Variants in NPAS3 observed in about 807,000 individuals in gnomAD.
The protein encoded by NPAS3 is neuronal PAS domain-containing protein 3.
Under a neutral mutation model 73.1 loss-of-function variants are expected in NPAS3, and 14 were observed. That is an observed-to-expected ratio of 0.19 (90% CI 0.13 to 0.30). NPAS3 has a LOEUF of 0.30. Among genes scored for constraint, NPAS3 ranks in the 10% least tolerant of loss-of-function variants. NPAS3 has a pLI of 1.00. For missense variants in NPAS3, 1,096 were observed against 1,250.0 expected (o/e 0.88, Z 1.86); for synonymous variants, 620 against 541.5 (o/e 1.14, Z -2.01).
chr14:33,790,186 T>C (rs1337875055), intron 9 of NPAS3, among the ~76,000 whole-genome samples: 2 of 152,244 alleles, frequency 1.3e-5, no homozygotes, highest in Non-Finnish European at 2.9e-5. Flanking sequence ...AGTATCTATC[T>C]CTTTTCAAGG....
chr14:33,801,333 G>A (rs529961608), downstream of NPAS3: 130 of 812,892 alleles, frequency 1.6e-4, no homozygotes, highest in African/African-American at 2.0e-3. Context: ...GTTGCCTGCC[G>A]TTTTGTCTTC....
chr14:33,616,193 C>T (rs937054269), intron 5 of NPAS3, among the ~76,000 whole-genome samples: 2 of 152,200 alleles, frequency 1.3e-5, no homozygotes, highest in Non-Finnish European at 2.9e-5. Context: ...GTAAGCTGGA[C>T]AACGGGTCTG....
chr14:33,405,772 G>T (rs1485590969), intron 4 of NPAS3, among the ~76,000 whole-genome samples: 2 of 152,030 alleles, frequency 1.3e-5, no homozygotes, highest in Non-Finnish European at 2.9e-5. Flanking sequence ...AAAGCTATTT[G>T]CCCACACCAT....
intron 3 of NPAS3, among the ~76,000 whole-genome samples, chr14:33,323,276 G>A (rs1414500906): frequency 6.6e-6 from 1 of 152,136 alleles, no homozygotes; most frequent in Non-Finnish European, 1.5e-5. Context: ...ACTTTACAGA[G>A]TGTTCAGTAA....
chr14:33,767,361 T>TA (rs1394923690), intron 7 of NPAS3, among the ~76,000 whole-genome samples: 1 of 152,058 alleles, frequency 6.6e-6, no homozygotes, highest in Non-Finnish European at 1.5e-5. Context: ...GCTAAGCCCT[T>TA]ATCTTTCGGC....
At chr14:33,621,597 G>T (rs1031329267) in intron 5 of NPAS3, among the ~76,000 whole-genome samples, 1 of 152,070 alleles carries the variant, frequency 6.6e-6, no homozygotes, top group Non-Finnish European at 1.5e-5. Flanking sequence ...TCCAAAATTG[G>T]CTAATATGGA....
chr14:33,549,066 T>C (rs1172760447), intron 4 of NPAS3, among the ~76,000 whole-genome samples: 2 of 147,408 alleles, frequency 1.4e-5, no homozygotes, highest in South Asian at 2.2e-4. Context: ...TCTCAAAATA[T>C]ATAGAACAAA....
intron 4 of NPAS3, among the ~76,000 whole-genome samples, chr14:33,512,363 ACCCGAGAAAAG>A (rs1227075635): frequency 1.3e-5 from 2 of 151,868 alleles, no homozygotes; most frequent in African/African-American, 4.8e-5. Context: ...TCCATTCAAC[ACCCGAGAAAAG>A]TTTTGTAGGA....
chr14:33,502,494 T>A (rs2052566400), intron 4 of NPAS3, among the ~76,000 whole-genome samples: 1 of 151,932 alleles, frequency 6.6e-6, no homozygotes, highest in Non-Finnish European at 1.5e-5. Flanking sequence ...TAGTCTTAGT[T>A]GTATCTTTGA....
intron 4 of NPAS3, among the ~76,000 whole-genome samples, chr14:33,526,432 G>C (rs754975403): frequency 6.7e-6 from 1 of 150,262 alleles, no homozygotes; most frequent in Non-Finnish European, 1.5e-5. Flanking sequence ...TGTTGAAACA[G>C]GGCATGACTA....
At chr14:33,065,537 A>T (rs1036143184) in intron 2 of NPAS3, among the ~76,000 whole-genome samples, 1 of 152,006 alleles carries the variant, frequency 6.6e-6, no homozygotes, top group African/African-American at 2.4e-5. Context: ...TTGTTGGGTT[A>T]TTTTTTCATT....
chr14:33,301,996 C>T (rs568908231), intron 3 of NPAS3, among the ~76,000 whole-genome samples: 2 of 152,284 alleles, frequency 1.3e-5, no homozygotes, highest in South Asian at 2.1e-4. Context: ...GTGCCCTCTC[C>T]GTGCGTGGCT....
At chr14:33,570,126 G>A (rs948366546) in intron 5 of NPAS3, among the ~76,000 whole-genome samples, 23 of 152,222 alleles carry the variant, frequency 1.5e-4, no homozygotes, top group African/African-American at 5.3e-4. Flanking sequence ...GTGAAGGAAA[G>A]AGAGAGAGGC....
At chr14:33,209,527 A>G (rs1038372831) in intron 2 of NPAS3, among the ~76,000 whole-genome samples, 13 of 152,222 alleles carry the variant, frequency 8.5e-5, no homozygotes, top group African/African-American at 2.9e-4. Flanking sequence ...TCTGACAAGT[A>G]TGCAGGTGTT....
chr14:33,535,561 A>C (rs1394740207), intron 4 of NPAS3, among the ~76,000 whole-genome samples: 1 of 152,228 alleles, frequency 6.6e-6, no homozygotes, highest in East Asian at 1.9e-4. Flanking sequence ...TACCTGGGTT[A>C]GTTCCCAACA....
At chr14:33,166,378 C>T (rs1456814121) in intron 2 of NPAS3, among the ~76,000 whole-genome samples, 1 of 152,136 alleles carries the variant, frequency 6.6e-6, no homozygotes, top group Non-Finnish European at 1.5e-5. Context: ...TTTCCATAAA[C>T]ATAAGTATCT....
intron 4 of NPAS3, among the ~76,000 whole-genome samples, chr14:33,486,415 A>AT (rs2051600153): frequency 6.6e-6 from 1 of 152,160 alleles, no homozygotes; most frequent in African/African-American, 2.4e-5. Flanking sequence ...CTAAATTAAC[A>AT]TAAAAGCTCT....
chr14:33,595,422 T>C (rs550408869), intron 5 of NPAS3, among the ~76,000 whole-genome samples: 1 of 152,320 alleles, frequency 6.6e-6, no homozygotes, highest in Admixed American at 6.5e-5. Context: ...TCGGCTGTAA[T>C]TTCTTCTTAA....
chr14:33,334,640 G>A (rs928815296), intron 3 of NPAS3, among the ~76,000 whole-genome samples: 1 of 152,106 alleles, frequency 6.6e-6, no homozygotes, highest in Non-Finnish European at 1.5e-5. Context: ...TCAAAGATGA[G>A]TCTTAGGCAC....
Sources: gnomAD v4.1 joint callset for allele counts (sites outside exome capture counted in the v4.1 genomes callset) on GRCh38, gnomAD v4.1.1 for gene constraint, MANE v1.5 for transcripts, NCBI Gene and HGNC (gene_info 2026-07-23, HGNC 2026-07-21) for gene names.